Variants in KMT2D observed in about 807,000 individuals in gnomAD.
The protein encoded by KMT2D is histone-lysine N-methyltransferase 2D.
KMT2D carries 55 observed loss-of-function variants against 512.7 expected under a neutral mutation model. The observed-to-expected ratio is 0.11, with a 90% CI of 0.09 to 0.13. KMT2D has a LOEUF of 0.13. Ranked by LOEUF, KMT2D falls within the 10% of genes least tolerant of loss-of-function variation. The probability of loss-of-function intolerance (pLI) is 1.00; values close to 1 mark genes in which losing one functional copy is unlikely to be tolerated. For synonymous variants in KMT2D, 2,995 were observed against 2,904.0 expected, an observed-to-expected ratio of 1.03 and a Z score of -1.01; for missense variants, 6,061 against 7,127.9, an observed-to-expected ratio of 0.85 and a Z score of 5.39.
At position 49,049,733 on chromosome 12, in the gene KMT2D, C is replaced by A. The variant is rs1323915717; in HGVS notation, c.3855G>T (p.Glu1285Asp). The change falls in exon 12 of 55, where the codon GAG becomes GAT. Residue 1285 changes from glutamate (E) to aspartate (D), a missense_variant. Physicochemically the swap from Glu to Asp is conservative, Grantham distance 45 (BLOSUM62 2). Coordinates refer to ENST00000301067, the MANE Select transcript of KMT2D (RefSeq NM_003482.4). The part of the protein sequence containing the change: ...AGTAISGGKA[E>D]GEKGRRRSSP... ...AGCTGCGCCGCCGCCCCTTCTCCCC[C>A]TCAGCTTTGCCTCCGCTGATAGCTG... The A allele has an allele frequency of 6.2e-7, 1 of 1,605,622 alleles. No homozygotes were observed. The highest frequency in any genetic ancestry group is 1.7e-5 in the Admixed American group (1 of 59,838).
chr12:49,021,817 T>A lies in KMT2D; in HGVS notation c.16577A>T (p.His5526Leu), dbSNP rs1942341375. ...TTTCCGACAATTCCAGGCTCCACAGTGGCAGGGGATCTTGTGCTGATCGTC... is the reference window on the plus strand; with the variant it reads ...TTTCCGACAATTCCAGGCTCCACAGAGGCAGGGGATCTTGTGCTGATCGTC... ...FEDDQHKIPC[H>L]CGAWNCRKWM... Residue 5526 changes from histidine to leucine, a missense_variant, in exon 55 of 55, where the codon CAC (histidine) becomes CTC (leucine). Physicochemically the swap from His to Leu is moderately conservative, Grantham distance 99. Coordinates refer to ENST00000301067, the MANE Select transcript of KMT2D (RefSeq NM_003482.4). The A allele has an allele frequency of 2.5e-6, 4 of 1,614,000 alleles. No individual in the cohort carries two copies. Among genetic ancestry groups the A allele is most frequent in the Non-Finnish European group, 3.4e-6 (4 of 1,179,862 alleles).
intron 1 of KMT2D, among the ~76,000 whole-genome samples, chr12:49,055,927 T>C (rs994345724): frequency 5.9e-5 from 9 of 152,212 alleles, no homozygotes; most frequent in African/African-American, 1.9e-4. Context: ...CACTTGTTTC[T>C]ACGAGGACAT....
rs1565816308 is a variant in KMT2D at position 49,051,149 on chromosome 12, C to CGGGGGGACAGGCATGGCTCCTCAGACT, written c.2507_2533dup (p.Gln836_Pro844dup). 1 of 1,508,552 alleles carries CGGGGGGACAGGCATGGCTCCTCAGACT rather than the reference C, an allele frequency of 6.6e-7. No individual in the cohort carries two copies. Among genetic ancestry groups the CGGGGGGACAGGCATGGCTCCTCAGACT allele is most frequent in the East Asian group, 2.3e-5 (1 of 43,714 alleles). 93.4% of individuals were successfully genotyped at this position (1,508,552 alleles called of 1,614,324 possible). On this transcript the variant is annotated inframe_insertion, in exon 11 of 55. Coordinates refer to ENST00000301067, the MANE Select transcript of KMT2D (RefSeq NM_003482.4). The stretch of plus-strand genomic sequence containing the variant: ...AGGGGACAGATGCGATTCCTCAGGC[C>CGGGGGGACAGGCATGGCTCCTCAGACT]GGGGGGACAGGCATGGCTCCTCAGA...
rs2120505631 is a variant in KMT2D at position 49,038,905 on chromosome 12, C to A, written c.8451G>T (p.Leu2817=). The change falls in exon 35 of 55, where the codon CTG becomes CTT. Residue 2817 remains leucine (L), a synonymous_variant. Coordinates refer to ENST00000301067, the MANE Select transcript of KMT2D (RefSeq NM_003482.4). The surrounding 1 kb of genome is among the most constrained non-coding windows in gnomAD (Gnocchi z 5.7). ...CTGCTGTTGCCTGTTGTTGCTGCCA[C>A]AGTTGTTGCTGTTGCTGCTGTAAGG... The part of the protein sequence containing the change: ...SLPLQQQQQQ[L]WQQQQATAAT... The A allele has an allele frequency of 6.4e-7, 1 of 1,551,728 alleles. No individual in the cohort carries two copies. The highest frequency in any genetic ancestry group is 8.7e-7 in the Non-Finnish European group (1 of 1,147,052).
At position 49,033,197 on chromosome 12, in the gene KMT2D, A is replaced by C. The variant is rs1418370446; in HGVS notation, c.11508T>G (p.Ser3836Arg). 5 of 1,550,170 alleles carry C rather than the reference A, an allele frequency of 3.2e-6. No individual in the cohort carries two copies. The highest frequency in any genetic ancestry group is 4.4e-6 in the Non-Finnish European group (5 of 1,146,234). The change falls in exon 40 of 55, where the codon AGT becomes AGG. Residue 3836 changes from serine (S) to arginine (R), a missense_variant. Physicochemically the swap from Ser to Arg is moderately radical, Grantham distance 110. Around this residue, in one of 16 missense-constraint regions of KMT2D, gnomAD observed 1,600 missense variants for 1,754.9 expected, o/e 0.91. Transcript: ENST00000301067. ...GACCCTGCTGTGCCAGCTGGGGGGA[A>C]CTGAGCACCCGGGACTGGGTCATAA... is the stretch of plus-strand genomic sequence containing the variant. ...QVLMTQSRVL[S>R]SPQLAQQGQG...
Position 49,032,324 on chromosome 12 carries a change from G to A in KMT2D, c.12381C>T (p.Ala4127=). ...GAGCCAGCAGGTGGGGCACAGATGA[G>A]GCCTCAGAAGATGATCCACTGCCTA... The part of the protein sequence containing the change: ...GQLGSGSSSE[A]SSVPHLLAQP... Residue 4127 remains alanine (A), a synonymous_variant, in exon 40 of 55, where the codon GCC becomes GCT. Transcript: ENST00000301067. The A allele has an allele frequency of 6.2e-7, 1 of 1,613,820 alleles. No individual in the cohort carries two copies. The highest frequency in any genetic ancestry group is 8.5e-7 in the Non-Finnish European group (1 of 1,179,788).
chr12:49,037,329 G>A lies in KMT2D; in HGVS notation c.10027C>T (p.Leu3343=), dbSNP rs1299043216. ...GACACCATAGCCATGGATGGAGCCA[G>A]GCGTTGCTGGAGGGCATGAGCTGGT... The part of the protein sequence containing the change: ...QPPAHALQQR[L]APSMAMVSNQ... The change falls in exon 35 of 55, where the codon CTG becomes TTG. Residue 3343 remains leucine, a synonymous_variant. Transcript: ENST00000301067. 6.2e-7 allele frequency: 1 copy of A among 1,612,404 alleles called. No homozygotes were observed. Among genetic ancestry groups the A allele is most frequent in the Non-Finnish European group, 8.5e-7 (1 of 1,179,414 alleles).
rs555842651 is a variant in KMT2D at position 49,031,925 on chromosome 12, T to A, written c.12780A>T (p.Gln4260His). ...GTCCAGGGAAGCCCCCAAGTTGAGGTTGGCAGCCCAGGAGGCCCTGGAGGG... is the reference window on the plus strand; with the variant it reads ...GTCCAGGGAAGCCCCCAAGTTGAGGATGGCAGCCCAGGAGGCCCTGGAGGG... ...TSPLQGLLGC[Q>H]PQLGGFPGPQ... Residue 4260 changes from glutamine to histidine, a missense_variant, in exon 40 of 55, where the codon CAA becomes CAT. Gln to His is a conservative substitution (Grantham distance 24, BLOSUM62 0). Around this residue, in one of 16 missense-constraint regions of KMT2D, gnomAD observed 1,600 missense variants for 1,754.9 expected, o/e 0.91. Coordinates refer to ENST00000301067, the MANE Select transcript of KMT2D (RefSeq NM_003482.4). 1.3e-6 allele frequency: 2 copies of A among 1,536,788 alleles called. No homozygotes were observed. Among genetic ancestry groups the A allele is most frequent in the Admixed American group, 2.1e-5 (1 of 48,624 alleles).
chr12:49,026,063 G>T lies in KMT2D; in HGVS notation c.15784+119C>A. Reference sequence around the variant, plus strand: ...TCAAGAGACCCCCTGCCTGCCTGAGGTGGGGGAAGGAGGATCATTCACATA... The same window carrying T: ...TCAAGAGACCCCCTGCCTGCCTGAGTTGGGGGAAGGAGGATCATTCACATA... On this transcript the variant is annotated intron_variant, in intron 49 of 54. Transcript: ENST00000301067. This position sits in a 1 kb window ranked among gnomAD's most constrained non-coding sequence, Gnocchi z 9.6. 2.1e-6 allele frequency: 2 copies of T among 974,114 alleles called. No homozygotes were observed. Among genetic ancestry groups the T allele is most frequent in the Non-Finnish European group, 1.5e-6 (1 of 670,984 alleles). The allele number at this position is 974,114 out of a possible 1,614,324, so 60.3% of individuals were successfully genotyped here.
rs1259490025 is a variant in KMT2D, at chr12:49,033,316, C to T, written c.11389G>A (p.Gly3797Arg). 1 of 1,593,146 alleles carries T rather than the reference C, an allele frequency of 6.3e-7. No homozygotes were observed. The highest frequency in any genetic ancestry group is 8.5e-7 in the Non-Finnish European group (1 of 1,170,094). The change falls in exon 40 of 55, where the codon GGG (glycine) becomes AGG (arginine). Residue 3797 changes from glycine to arginine, a missense_variant. Physicochemically the swap from Gly to Arg is moderately radical, Grantham distance 125 (BLOSUM62 -2). Coordinates refer to ENST00000301067, the MANE Select transcript of KMT2D (RefSeq NM_003482.4). Reference sequence around the variant, plus strand: ...GCAGGGCCCAGCATGCCCTGGGGCCCCTGGGGTGGTTGAGGGGACAGCTGC... The same window carrying T: ...GCAGGGCCCAGCATGCCCTGGGGCCTCTGGGGTGGTTGAGGGGACAGCTGC... ...VQQLSPQPPQ[G>R]PQGMLGPAQV...
In KMT2D at chr12:49,038,181, T is replaced by C; in HGVS notation, c.9175A>G (p.Thr3059Ala). 2.5e-6 allele frequency: 4 copies of C among 1,613,890 alleles called. No homozygotes were observed. The highest frequency in any genetic ancestry group is 3.4e-6 in the Non-Finnish European group (4 of 1,179,890). The part of the protein sequence containing the change: ...LLAYTDPELD[T>A]GDKKDIFNEH... The stretch of plus-strand genomic sequence containing the variant: ...TTGAAGATATCCTTCTTGTCCCCAG[T>C]GTCCAGCTCAGGATCAGTATATGCC... Residue 3059 changes from threonine (T) to alanine (A), a missense_variant, in exon 35 of 55, where the codon ACT becomes GCT. This residue lies in a region of KMT2D where 21 missense variants were observed against 74.3 expected (regional missense o/e 0.28). Coordinates refer to ENST00000301067, the MANE Select transcript of KMT2D (RefSeq NM_003482.4). This position sits in a 1 kb window ranked among gnomAD's most constrained non-coding sequence, Gnocchi z 5.7.
rs2137707017 is a variant in KMT2D, at chr12:49,022,720, C to T, written c.16208G>A (p.Arg5403His). The T allele has an allele frequency of 6.2e-7, 1 of 1,613,964 alleles. No individual in the cohort carries two copies. The highest frequency in any genetic ancestry group is 8.5e-7 in the Non-Finnish European group (1 of 1,179,894). The change falls in exon 52 of 55, where the codon CGC becomes CAC. Residue 5403 changes from arginine (R) to histidine (H), a missense_variant. Transcript: ENST00000301067. This position sits in a 1 kb window ranked among gnomAD's most constrained non-coding sequence, Gnocchi z 8.6. ...TEWKNNVYLA[R>H]SRIQGLGLYA... The stretch of plus-strand genomic sequence containing the variant: ...GAGCCCCAGGCCCTGGATACGGGAG[C>T]GAGCCAGGTACACGTTGTTCTTCCA...
chr12:49,049,066 A>G (rs1322090229), intron 13 of KMT2D, 39 bp downstream of exon 13: 4 of 1,309,470 alleles, frequency 3.1e-6, no homozygotes, highest in African/African-American at 2.9e-5. Flanking sequence ...GTGCTAAAGC[A>G]TGGTTGGGGG....
rs1943600058 is a variant in KMT2D at position 49,042,758 on chromosome 12, T to C, written c.5765A>G (p.Gln1922Arg). ...TGTATTACCTTGAAGAAAGGGCCTC[T>C]GCAGTGGCGTACGGCTGCCTTCTAG... ...PGLEGSRTPL[Q>R]RPFLQGGLPL... Residue 1922 changes from glutamine to arginine, a missense_variant, in exon 27 of 55, where the codon CAG becomes CGG. Physicochemically the swap from Gln to Arg is conservative, Grantham distance 43. Coordinates refer to ENST00000301067, the MANE Select transcript of KMT2D (RefSeq NM_003482.4). This position sits in a 1 kb window ranked among gnomAD's most constrained non-coding sequence, Gnocchi z 4.4. The C allele has an allele frequency of 1.2e-6, 2 of 1,613,712 alleles. No homozygotes were observed. Among genetic ancestry groups the C allele is most frequent in the Non-Finnish European group, 1.7e-6 (2 of 1,179,780 alleles).
chr12:49,049,256 A>T, intron 12 of KMT2D, 38 bp from the exon 13 acceptor site: 1 of 1,316,374 alleles, frequency 7.6e-7, no homozygotes, highest in Non-Finnish European at 1.1e-6. Context: ...GAGCATGTCA[A>T]GGGCTAGTGT....
At position 49,044,780 on chromosome 12, in the gene KMT2D, C is replaced by T. The variant is rs1943707185; in HGVS notation, c.4927G>A (p.Gly1643Arg). ...AGCAGCTCATCGGTGTCCAGGTCCC[C>T]ATCCTTCTTGTCATCAGGGCCAAGG... is the stretch of plus-strand genomic sequence containing the variant. ...DALGPDDKKD[G>R]DLDTDELLKG... The change falls in exon 20 of 55, where the codon GGG (glycine) becomes AGG (arginine). Residue 1643 changes from glycine to arginine, a missense_variant. Physicochemically the swap from Gly to Arg is moderately radical, Grantham distance 125 (BLOSUM62 -2). This residue lies in a region of KMT2D where 640 missense variants were observed against 814.3 expected (regional missense o/e 0.79). Coordinates refer to ENST00000301067, the MANE Select transcript of KMT2D (RefSeq NM_003482.4). The surrounding 1 kb of genome is among the most constrained non-coding windows in gnomAD (Gnocchi z 6.4). 1 of 1,614,002 alleles carries T rather than the reference C, an allele frequency of 6.2e-7. No homozygotes were observed. Among genetic ancestry groups the T allele is most frequent in the East Asian group, 2.2e-5 (1 of 44,880 alleles).
rs549887801 is a variant in KMT2D, at chr12:49,027,452, T to C, written c.14644-130A>G. 4.1e-4 allele frequency: 328 copies of C among 796,278 alleles called. 4 individuals are homozygous for C. The South Asian group carries it at 6.4e-3, about 15-fold the overall frequency. 49.3% of individuals were successfully genotyped at this position (796,278 alleles called of 1,614,324 possible). On this transcript the variant is annotated intron_variant, in intron 48 of 54. Transcript: ENST00000301067. ...GCCCTAGACAGCCTCTTTTTTCTTT[T>C]CTTTTCTTTTTTTTTTGAGACACAG...
rs957154857 is a variant in KMT2D at position 49,026,889 on chromosome 12, G to A, written c.15077C>T (p.Pro5026Leu). 8.7e-6 allele frequency: 14 copies of A among 1,613,866 alleles called. No homozygotes were observed. Among genetic ancestry groups the A allele is most frequent in the Middle Eastern group, 3.3e-4 (2 of 6,084 alleles). ...LGTALRPDKV[P>L]RDMRRCCFCH... is the part of the protein sequence containing the mutation. Reference sequence around the variant, plus strand: ...GAAACAGCAGCGACGCATGTCTCGCGGTACCTTGTCAGGTCGCAAGGCTGT... The same window carrying A: ...GAAACAGCAGCGACGCATGTCTCGCAGTACCTTGTCAGGTCGCAAGGCTGT... Residue 5026 changes from proline (P) to leucine (L), a missense_variant, in exon 49 of 55, where the codon CCG becomes CTG. Coordinates refer to ENST00000301067, the MANE Select transcript of KMT2D (RefSeq NM_003482.4). This position sits in a 1 kb window ranked among gnomAD's most constrained non-coding sequence, Gnocchi z 9.6.
In KMT2D at chr12:49,021,367, CTT is replaced by C. The variant is rs982776703; in HGVS notation, c.*411_*412del. 2 of 269,142 alleles carry C rather than the reference CTT, an allele frequency of 7.4e-6. No homozygotes were observed. The highest frequency in any genetic ancestry group is 7.1e-6 in the Non-Finnish European group (1 of 140,854). 16.7% of individuals were successfully genotyped at this position (269,142 alleles called of 1,614,324 possible). A position where few individuals can be genotyped will look rare whatever the true frequency, so the allele number is the denominator to read the frequency against. ...GGGATTGTCAAGCTTAGTCAAGTCT[CTT>C]TGCAGCCGTGAGTTGGGCCGGAGAG... On this transcript the variant is annotated 3_prime_UTR_variant, in exon 55 of 55. Transcript: ENST00000301067.
Sources: allele counts gnomAD v4.1 joint callset (sites outside exome capture counted in the v4.1 genomes callset), GRCh38; gene constraint gnomAD v4.1.1; regional missense constraint gnomAD v4.1.1; non-coding constraint Gnocchi (gnomAD v3.1); transcripts MANE v1.5; gene names NCBI Gene and HGNC (gene_info 2026-07-23, HGNC 2026-07-21).